The following WFS1 variants were observed in gnomAD, a reference collection of about 807,000 sequenced individuals.
The protein encoded by WFS1 is wolframin ER transmembrane glycoprotein.
WFS1 carries 90 observed loss-of-function variants against 68.5 expected under a neutral mutation model. That is an observed-to-expected ratio of 1.31 (90% CI 1.11 to 1.56). The LOEUF is 1.56. Ranked by LOEUF, WFS1 falls within the 40% of genes most tolerant of loss-of-function variation. The probability of loss-of-function intolerance (pLI) is 0.00; values close to 1 mark genes in which losing one functional copy is unlikely to be tolerated. For missense variants in WFS1, 1,767 were observed against 1,232.6 expected, an observed-to-expected ratio of 1.43 and a Z score of -6.49; for synonymous variants, 860 against 540.7, an observed-to-expected ratio of 1.59 and a Z score of -8.19.
intron 7 of WFS1, among the ~76,000 whole-genome samples, chr4:6,299,325 C>A (rs1730757303): frequency 6.6e-6 from 1 of 152,186 alleles, no homozygotes. Context: ...TCTTTCTGAC[C>A]TTAGCGCTGC....
intron 2 of WFS1, among the ~76,000 whole-genome samples, chr4:6,278,722 G>C (rs4689391): frequency 6.6e-6 from 1 of 152,084 alleles, no homozygotes; most frequent in African/African-American, 2.4e-5. Context: ...TATGCTGGGC[G>C]TGCCCTTGGA....
At chr4:6,279,595 C>A (rs1329441842) in intron 2 of WFS1, among the ~76,000 whole-genome samples, 1 of 152,156 alleles carries the variant, frequency 6.6e-6, no homozygotes, top group African/African-American at 2.4e-5. Flanking sequence ...CCTGGCCAGG[C>A]CCTGGTGACA....
chr4:6,300,540 A>T (rs1730840506), intron 7 of WFS1, 117 bp from the exon 8 acceptor site: 13 of 1,497,062 alleles, frequency 8.7e-6, no homozygotes, highest in African/African-American at 1.4e-5. Flanking sequence ...TGGTGATGGG[A>T]AAACGCAAGG....
At chr4:6,300,585 A>G (rs1225801845) in intron 7 of WFS1, 72 bp from the exon 8 acceptor site, 1 of 1,604,254 alleles carries the variant, frequency 6.2e-7, no homozygotes, top group African/African-American at 1.3e-5. Context: ...CAGGGTGGTC[A>G]GAGGGAGGCG....
chr4:6,277,531 C>G lies in WFS1; in HGVS notation c.76C>G (p.Arg26Gly), dbSNP rs747658523. Residue 26 changes from arginine to glycine, a missense_variant, in exon 2 of 8, where the codon CGA (arginine) becomes GGA (glycine). Transcript: ENST00000226760. ...PPAPQPQARS[R>G]LNATASLEQE... ...AGCACCGCAGCCCCAGGCGCGTTCC[C>G]GACTCAATGCCACAGCCTCGTTGGA... 1 of 1,587,506 alleles carries G rather than the reference C, an allele frequency of 6.3e-7. No homozygotes were observed. Among genetic ancestry groups the G allele is most frequent in the Non-Finnish European group, 8.6e-7 (1 of 1,167,646 alleles).
chr4:6,274,452 G>A (rs1002500948), intron 1 of WFS1, among the ~76,000 whole-genome samples: 12 of 152,048 alleles, frequency 7.9e-5, no homozygotes, highest in African/African-American at 2.7e-4. Context: ...TTACATATGG[G>A]GAAACAGACA....
At chr4:6,299,307 C>G (rs113823191) in intron 7 of WFS1, among the ~76,000 whole-genome samples, 10,485 of 152,290 alleles carry the variant, frequency 0.069, 467 homozygotes, top group Middle Eastern at 0.14. Context: ...GTGGTGAAGG[C>G]CAAGAGCTCT....
At chr4:6,281,800 T>A (rs1397401885) in intron 2 of WFS1, among the ~76,000 whole-genome samples, 1 of 152,152 alleles carries the variant, frequency 6.6e-6, no homozygotes, top group African/African-American at 2.4e-5. Context: ...GCCTGTTCTT[T>A]ATCCTGACCT....
chr4:6,301,960 T>C lies in WFS1; in HGVS notation c.2165T>C (p.Met722Thr), dbSNP rs1386151615. 1 of 1,612,856 alleles carries C rather than the reference T, an allele frequency of 6.2e-7. No homozygotes were observed. Among genetic ancestry groups the C allele is most frequent in the East Asian group, 2.2e-5 (1 of 44,872 alleles). Residue 722 changes from methionine to threonine, a missense_variant, in exon 8 of 8, where the codon ATG becomes ACG. Physicochemically the swap from Met to Thr is moderately conservative, Grantham distance 81 (BLOSUM62 -1). Transcript: ENST00000226760. ...IDNSAESAIN[M>T]LPFFIGDWMR... is the part of the protein sequence containing the mutation. ...AACAGCGCCGAGTCTGCCATCAACA[T>C]GCTCCCGTTCTTCATCGGCGACTGG...
intron 5 of WFS1, 23 bp downstream of exon 5, chr4:6,291,390 C>A: frequency 6.2e-7 from 1 of 1,609,816 alleles, no homozygotes; most frequent in Non-Finnish European, 8.5e-7. Context: ...ACCCTGGGCA[C>A]CAGCCTTCCC....
chr4:6,294,805 C>G, intron 6 of WFS1: 2 of 573,200 alleles, frequency 3.5e-6, no homozygotes, highest in Admixed American at 2.9e-5. Flanking sequence ...GGACAGCACA[C>G]CCAGGGGCCG....
rs754802246 is a variant in WFS1 at position 6,302,375 on chromosome 4, C to T, written c.2580C>T (p.His860=). ...CCCAGCTCTCACCCACCAGGCGGCA[C>T]GTGAAGATCGAGCACGACTGGCGCA... ...CMAQLSPTRR[H]VKIEHDWRST... is the part of the protein sequence containing the mutation. The change falls in exon 8 of 8, where the codon CAC becomes CAT. Residue 860 remains histidine (H), a synonymous_variant. Coordinates refer to ENST00000226760, the MANE Select transcript of WFS1 (RefSeq NM_006005.3). The T allele has an allele frequency of 5.8e-5, 94 of 1,613,010 alleles. No individual in the cohort carries two copies. Among genetic ancestry groups the T allele is most frequent in the African/African-American group, 9.3e-5 (7 of 74,948 alleles).
chr4:6,294,352 C>T (rs1367115365), intron 6 of WFS1, among the ~76,000 whole-genome samples: 1 of 152,026 alleles, frequency 6.6e-6, no homozygotes, highest in African/African-American at 2.4e-5. Flanking sequence ...TCAGTGGGCA[C>T]GTAGCAGGCT....
At chr4:6,300,344 C>T (rs1466378413) in intron 7 of WFS1, among the ~76,000 whole-genome samples, 2 of 152,060 alleles carry the variant, frequency 1.3e-5, no homozygotes, top group African/African-American at 4.8e-5. Flanking sequence ...GCCCGTGGGT[C>T]CCTCCAGTGC....
chr4:6,274,917 G>T (rs1294660672), intron 1 of WFS1, among the ~76,000 whole-genome samples: 1 of 152,158 alleles, frequency 6.6e-6, no homozygotes, highest in Non-Finnish European at 1.5e-5. Flanking sequence ...TGAATTTCAG[G>T]TCTGGTACCT....
At position 6,302,240 on chromosome 4, in the gene WFS1, C is replaced by G. The variant is rs376195481; in HGVS notation, c.2445C>G (p.Leu815=). The G allele has an allele frequency of 2.0e-5, 32 of 1,605,948 alleles. No homozygotes were observed. In the African/African-American group the frequency reaches 2.4e-4, roughly 12 times the overall value. Residue 815 remains leucine, a synonymous_variant, in exon 8 of 8, where the codon CTC becomes CTG. Transcript: ENST00000226760. ...RASSEFKSVL[L]SLRQGSLIEF... ...GCAGCGAGTTCAAGAGCGTGCTGCT[C>G]AGCCTGCGCCAGGGCAGCCTCATCG...
intron 6 of WFS1, 121 bp downstream of exon 6, chr4:6,292,118 G>A (rs575470091): frequency 7.0e-5 from 71 of 1,013,372 alleles, no homozygotes; most frequent in South Asian, 3.2e-4. Context: ...CCCAGCCTGC[G>A]CCTGCAGGGC....
At chr4:6,272,888 C>T (rs1171893533) in intron 1 of WFS1, among the ~76,000 whole-genome samples, 1 of 152,240 alleles carries the variant, frequency 6.6e-6, no homozygotes. Context: ...TACGAGGTCA[C>T]GTTTACCAGC....
At chr4:6,289,822 G>A (rs145989135) in intron 4 of WFS1, among the ~76,000 whole-genome samples, 40 of 152,222 alleles carry the variant, frequency 2.6e-4, no homozygotes, top group African/African-American at 9.4e-4. Context: ...CAGATTGTAA[G>A]AGTATTTTAT....
Sources: gnomAD v4.1 joint callset for allele counts (sites outside exome capture counted in the v4.1 genomes callset) on GRCh38, gnomAD v4.1.1 for gene constraint, MANE v1.5 for transcripts, NCBI Gene and HGNC (gene_info 2026-07-23, HGNC 2026-07-21) for gene names.